The following COL10A1 variants were observed in gnomAD, a reference collection of about 807,000 sequenced individuals.
COL10A1 encodes collagen alpha-1(X) chain.
A neutral mutation model predicts 18.2 loss-of-function variants in COL10A1; 10 were observed. The observed-to-expected ratio is 0.55, with a 90% confidence interval of 0.34 to 0.93. The LOEUF (loss-of-function observed/expected upper bound fraction) is 0.93. COL10A1 is among the 40% of genes least tolerant of loss of function. COL10A1 has a pLI of 0.02. For synonymous variants in COL10A1, 330 were observed against 316.6 expected, an observed-to-expected ratio of 1.04 and a Z score of -0.45; for missense variants, 897 against 853.5, an observed-to-expected ratio of 1.05 and a Z score of -0.64.
the COL10A1 span, among the ~76,000 whole-genome samples, chr6:116,184,920 TG>T: frequency 6.6e-6 from 1 of 152,194 alleles, no homozygotes; most frequent in African/African-American, 2.4e-5. Flanking sequence ...CTGCTGGGTT[TG>T]GGTTTGGTTT....
Position 116,141,910 on chromosome 6 carries a change from AC to A in COL10A1, c.-15-16404del, listed in dbSNP as rs1279233821. Among the ~76,000 whole-genome samples, 216 of 151,562 alleles carry A rather than the reference AC, an allele frequency of 1.4e-3. 1 individual carries two copies. The highest frequency in any genetic ancestry group is 0.014 in the Middle Eastern group (4 of 292). On this transcript the variant is annotated intron_variant, in intron 1 of 1. Transcript: ENST00000418500. ...AACACACACACACACACACACACAC[AC>A]ACACACACACACACACTGTAAATGT... is the stretch of plus-strand genomic sequence containing the variant.
At chr6:116,125,032 A>G (rs954300760) in intron 2 of COL10A1, among the ~76,000 whole-genome samples, 1 of 152,226 alleles carries the variant, frequency 6.6e-6, no homozygotes, top group African/African-American at 2.4e-5. Context: ...TGATTAGATC[A>G]AGATTTCTGG....
At chr6:116,132,277 G>A (rs1250412100) in intron 1 of COL10A1, among the ~76,000 whole-genome samples, 1 of 152,094 alleles carries the variant, frequency 6.6e-6, no homozygotes, top group African/African-American at 2.4e-5. Flanking sequence ...CCACCTTAGA[G>A]GTGAAAATTG....
intron 1 of COL10A1, 49 bp from the exon 2 acceptor site, chr6:116,125,556 T>C: frequency 6.5e-7 from 1 of 1,549,172 alleles, no homozygotes; most frequent in Non-Finnish European, 8.9e-7. Context: ...ATTAACCTAT[T>C]TTTTTATTCT....
At chr6:116,160,191 A>G (rs1411978538), upstream of COL10A1, among the ~76,000 whole-genome samples, 1 of 152,160 alleles carries the variant, frequency 6.6e-6, no homozygotes, top group Non-Finnish European at 1.5e-5. Flanking sequence ...AAATGCCCAT[A>G]ATGTTTTCCA....
chr6:116,135,790 ATAAAT>A (rs1170176829), intron 1 of COL10A1, among the ~76,000 whole-genome samples: 1 of 146,946 alleles, frequency 6.8e-6, no homozygotes, highest in Admixed American at 6.9e-5. Context: ...GTTATAAGTG[ATAAAT>A]TAAAAGTATA....
At chr6:116,193,038 T>C in the COL10A1 span, among the ~76,000 whole-genome samples, 1 of 152,090 alleles carries the variant, frequency 6.6e-6, no homozygotes, top group Non-Finnish European at 1.5e-5. Flanking sequence ...TTTATGTAAA[T>C]GCAGCATTAC....
chr6:116,212,699 G>C, the COL10A1 span, among the ~76,000 whole-genome samples: 1 of 152,066 alleles, frequency 6.6e-6, no homozygotes, highest in Non-Finnish European at 1.5e-5. Context: ...GTGGCAGGGA[G>C]GCAGGGGAAC....
At chr6:116,133,869 T>C (rs551333573) in intron 1 of COL10A1, among the ~76,000 whole-genome samples, 52 of 152,340 alleles carry the variant, frequency 3.4e-4, no homozygotes, top group Non-Finnish European at 6.8e-4. Flanking sequence ...GGGAAAAATG[T>C]AACAAATAGA....
At chr6:116,198,099 G>A in the COL10A1 span, among the ~76,000 whole-genome samples, 1 of 151,992 alleles carries the variant, frequency 6.6e-6, no homozygotes, top group Non-Finnish European at 1.5e-5. Flanking sequence ...AAATAAAAGG[G>A]TTATTTCTCC....
the COL10A1 span, among the ~76,000 whole-genome samples, chr6:116,207,382 T>C: frequency 1.3e-5 from 2 of 151,756 alleles, no homozygotes; most frequent in East Asian, 3.9e-4. Context: ...AAAAAAATCC[T>C]TTACAATCTT....
At chr6:116,185,817 T>C in the COL10A1 span, among the ~76,000 whole-genome samples, 1 of 152,118 alleles carries the variant, frequency 6.6e-6, no homozygotes, top group Admixed American at 6.6e-5. Context: ...TTCTTAGCCA[T>C]TCTGTCATTC....
At chr6:116,213,877 C>T in the COL10A1 span, among the ~76,000 whole-genome samples, 1 of 151,920 alleles carries the variant, frequency 6.6e-6, no homozygotes, top group Non-Finnish European at 1.5e-5. Context: ...TTGTGCCAAG[C>T]ACTATGAGAT....
chr6:116,140,074 A>G (rs1392975900), intron 1 of COL10A1, among the ~76,000 whole-genome samples: 1 of 152,200 alleles, frequency 6.6e-6, no homozygotes, highest in East Asian at 1.9e-4. Context: ...GGAATTCCAC[A>G]GGTTCATAAA....
the COL10A1 span, among the ~76,000 whole-genome samples, chr6:116,178,086 TGTGC>T: frequency 0.032 from 2,468 of 77,488 alleles, 18 homozygotes; most frequent in Admixed American, 0.042. Context: ...TGTGTGTGTG[TGTGC>T]GCGCGCGCGC....
chr6:116,182,836 G>T, the COL10A1 span, among the ~76,000 whole-genome samples: 3 of 151,992 alleles, frequency 2.0e-5, no homozygotes, highest in African/African-American at 7.2e-5. Context: ...CACTCTGTGG[G>T]TTGTCTGTTT....
chr6:116,144,097 G>A (rs2114374569), intron 1 of COL10A1, among the ~76,000 whole-genome samples: 1 of 152,194 alleles, frequency 6.6e-6, no homozygotes, highest in African/African-American at 2.4e-5. Flanking sequence ...TCATGTATTG[G>A]TGGTGTCGGG....
chr6:116,216,743 A>T, the COL10A1 span, among the ~76,000 whole-genome samples: 1 of 152,150 alleles, frequency 6.6e-6, no homozygotes, highest in African/African-American at 2.4e-5. Flanking sequence ...ACCTATAAAT[A>T]AACAAAATAA....
chr6:116,201,384 A>C, the COL10A1 span, among the ~76,000 whole-genome samples: 1 of 152,006 alleles, frequency 6.6e-6, no homozygotes, highest in Non-Finnish European at 1.5e-5. Flanking sequence ...ATTTGAACAT[A>C]GTTTGTTACA....
Sources: allele counts gnomAD v4.1 joint callset (sites outside exome capture counted in the v4.1 genomes callset), GRCh38; gene constraint gnomAD v4.1.1; transcripts MANE v1.5; gene names NCBI Gene and HGNC (gene_info 2026-07-23, HGNC 2026-07-21).